EYS: variants seen among roughly 807,000 people sequenced by gnomAD.
The protein encoded by EYS is EGF-like photoreceptor maintenance factor.
In EYS, 250 loss-of-function variants were observed where a neutral mutation model predicts 282.1. The ratio of observed to expected loss-of-function variants is 0.89; its 90% CI spans 0.80 to 0.98. EYS has a LOEUF of 0.98. Among genes scored for constraint, EYS ranks in the 50% least tolerant of loss-of-function variants. The pLI is 0.00. For synonymous variants in EYS, 1,355 were observed against 1,282.9 expected (o/e 1.06, Z -1.20); for missense variants, 4,016 against 3,709.0 (o/e 1.08, Z -2.15).
chr6:65,167,886 G>A (rs1765012352), intron 12 of EYS, among the ~76,000 whole-genome samples: 1 of 150,828 alleles, frequency 6.6e-6, no homozygotes, highest in Admixed American at 6.6e-5. Context: ...TTTTAGCTGT[G>A]TTTTTTTGGT....
At chr6:64,904,898 G>A (rs566855493) in intron 16 of EYS, among the ~76,000 whole-genome samples, 39 of 152,134 alleles carry the variant, frequency 2.6e-4, no homozygotes, top group Non-Finnish European at 1.5e-4. Context: ...AATGGGTTGA[G>A]GAAATGAGAT....
intron 22 of EYS, among the ~76,000 whole-genome samples, chr6:64,648,803 TA>T (rs1768447785): frequency 6.6e-6 from 1 of 152,186 alleles, no homozygotes; most frequent in Admixed American, 6.5e-5. Flanking sequence ...AAAATAATTT[TA>T]TTGAGATAAT....
chr6:64,017,081 T>A (rs1201975118), intron 33 of EYS, among the ~76,000 whole-genome samples: 1 of 151,722 alleles, frequency 6.6e-6, no homozygotes, highest in Non-Finnish European at 1.5e-5. Context: ...GTCATATCCA[T>A]CACTAGGACT....
chr6:64,327,463 C>T (rs796307435), intron 29 of EYS, among the ~76,000 whole-genome samples: 23 of 152,134 alleles, frequency 1.5e-4, no homozygotes, highest in African/African-American at 3.6e-4. Context: ...TGAGATAGAC[C>T]GGCCATCTTT....
At chr6:65,658,398 G>A (rs1174806803) in intron 1 of EYS, among the ~76,000 whole-genome samples, 1 of 151,512 alleles carries the variant, frequency 6.6e-6, no homozygotes. Context: ...ATGTATCATG[G>A]GGAAACTAGG....
At chr6:65,012,757 C>G (rs1282867209) in intron 13 of EYS, among the ~76,000 whole-genome samples, 1 of 134,342 alleles carries the variant, frequency 7.4e-6, no homozygotes, top group Admixed American at 7.6e-5. Context: ...AAAATAAGAG[C>G]AATAAAACTG....
chr6:65,334,312 A>AGC (rs2150313075), intron 11 of EYS, among the ~76,000 whole-genome samples: 1 of 151,566 alleles, frequency 6.6e-6, no homozygotes, highest in African/African-American at 2.4e-5. Flanking sequence ...CCCAGGCTGG[A>AGC]GTGCAGTGGC....
At chr6:64,862,267 T>G (rs1252767359) in intron 19 of EYS, among the ~76,000 whole-genome samples, 1 of 152,230 alleles carries the variant, frequency 6.6e-6, no homozygotes, top group African/African-American at 2.4e-5. Flanking sequence ...ATTCTGCTTC[T>G]GTTCAGCTGC....
At chr6:65,100,211 G>A (rs1052974674) in intron 12 of EYS, among the ~76,000 whole-genome samples, 1 of 150,744 alleles carries the variant, frequency 6.6e-6, no homozygotes, top group Non-Finnish European at 1.5e-5. Flanking sequence ...CTGAAAAATA[G>A]GCATTAAAAA....
At chr6:64,742,439 T>C (rs374393733) in intron 22 of EYS, among the ~76,000 whole-genome samples, 2 of 152,258 alleles carry the variant, frequency 1.3e-5, no homozygotes, top group African/African-American at 4.8e-5. Flanking sequence ...AATGAGCACC[T>C]ACTGTGGCAA....
intron 1 of EYS, among the ~76,000 whole-genome samples, chr6:65,691,010 C>CT (rs1769223254): frequency 6.6e-6 from 1 of 150,376 alleles, no homozygotes; most frequent in African/African-American, 2.4e-5. Context: ...GGTTCCAAGT[C>CT]TTTGCTATTG....
chr6:64,449,819 C>T (rs1380730042), intron 26 of EYS, among the ~76,000 whole-genome samples: 1 of 152,108 alleles, frequency 6.6e-6, no homozygotes, highest in Non-Finnish European at 1.5e-5. Context: ...GGGATTTTGT[C>T]ACCACCAGAC....
chr6:65,405,385 CAAGAA>C lies in EYS; in HGVS notation c.863-23_863-19del. 1 of 1,343,602 alleles carries C rather than the reference CAAGAA, an allele frequency of 7.4e-7. No individual in the cohort carries two copies. The highest frequency in any genetic ancestry group is 1.0e-6 in the Non-Finnish European group (1 of 1,004,828). 83.2% of individuals were successfully genotyped at this position (1,343,602 alleles called of 1,614,324 possible). On this transcript the variant is annotated intron_variant, in intron 5 of 42. Transcript: ENST00000503581. ...GAATGGACCTTAAAAAAATCACACA[CAAGAA>C]AAAAAAAGAAAAGGAAGGAAGGAAA...
In EYS at chr6:65,602,876, T is replaced by C. The variant is rs545759914; in HGVS notation, c.-333+36902A>G. Among the ~76,000 whole-genome samples, 4 of 152,092 alleles carry C rather than the reference T, an allele frequency of 2.6e-5. No homozygotes were observed. The East Asian group carries it at 5.8e-4, about 22-fold the overall frequency. ...TTAAGTTTGCCTAAGACAGTTTTAATTTACATTTGTTGTCCTAACAGTCTG... is the reference window on the plus strand; with the variant it reads ...TTAAGTTTGCCTAAGACAGTTTTAACTTACATTTGTTGTCCTAACAGTCTG... On this transcript the variant is annotated intron_variant, in intron 2 of 42. Transcript: ENST00000503581.
chr6:64,624,455 T>G (rs1767539619), intron 23 of EYS, among the ~76,000 whole-genome samples: 1 of 152,196 alleles, frequency 6.6e-6, no homozygotes, highest in African/African-American at 2.4e-5. Flanking sequence ...ATAAAGATAT[T>G]TTTTGCTTGA....
intron 31 of EYS, among the ~76,000 whole-genome samples, chr6:64,177,732 A>C (rs913636527): frequency 2.0e-5 from 3 of 151,926 alleles, no homozygotes; most frequent in Non-Finnish European, 4.4e-5. Flanking sequence ...AATTTTCCAT[A>C]CTTTGTTTTT....
intron 19 of EYS, among the ~76,000 whole-genome samples, chr6:64,841,951 T>C (rs1303636522): frequency 6.6e-6 from 1 of 152,120 alleles, no homozygotes; most frequent in East Asian, 1.9e-4. Context: ...AAGCAAGTGA[T>C]GGAAATGTCA....
chr6:65,148,746 G>A (rs1285722877), intron 12 of EYS, among the ~76,000 whole-genome samples: 2 of 152,206 alleles, frequency 1.3e-5, no homozygotes, highest in Non-Finnish European at 2.9e-5. Context: ...CACCCCTGCA[G>A]CAAACTTCAG....
At chr6:64,808,506 A>T (rs1162917138) in intron 22 of EYS, among the ~76,000 whole-genome samples, 2 of 152,090 alleles carry the variant, frequency 1.3e-5, no homozygotes, top group South Asian at 2.1e-4. Context: ...AAATTTACAA[A>T]TCTGTTGCAT....
Sources: gnomAD v4.1 joint callset for allele counts (sites outside exome capture counted in the v4.1 genomes callset) on GRCh38, gnomAD v4.1.1 for gene constraint, MANE v1.5 for transcripts, NCBI Gene and HGNC (gene_info 2026-07-23, HGNC 2026-07-21) for gene names.